Variants in UBE3A observed in about 807,000 individuals in gnomAD.
The protein encoded by UBE3A is ubiquitin protein ligase E3A, also known as ubiquitin-protein ligase E3A.
In UBE3A, 6 loss-of-function variants were observed where a neutral mutation model predicts 83.4. That is an observed-to-expected ratio of 0.07 (90% CI 0.04 to 0.14). UBE3A has a LOEUF of 0.14. UBE3A is among the 10% of genes least tolerant of loss of function. The pLI, the probability that UBE3A is intolerant of heterozygous loss-of-function variation, is 1.00. For missense variants in UBE3A, 456 were observed against 1,036.1 expected (o/e 0.44, Z 7.69); for synonymous variants, 337 against 355.4 (o/e 0.95, Z 0.58).
intron 1 of UBE3A, among the ~76,000 whole-genome samples, chr15:25,427,758 C>T (rs1891799745): frequency 7.3e-6 from 1 of 137,686 alleles, no homozygotes; most frequent in African/African-American, 2.7e-5. Context: ...TGGCACTGCA[C>T]TCCAGCCTGG....
At chr15:25,397,661 C>T (rs778400730) in intron 4 of UBE3A, among the ~76,000 whole-genome samples, 1 of 152,060 alleles carries the variant, frequency 6.6e-6, no homozygotes, top group South Asian at 2.1e-4. Context: ...TAAAAATAAA[C>T]GGCAAAATTC....
At chr15:25,398,246 A>C (rs975458846) in intron 4 of UBE3A, among the ~76,000 whole-genome samples, 3 of 152,030 alleles carry the variant, frequency 2.0e-5, no homozygotes, top group African/African-American at 7.3e-5. Flanking sequence ...ATGTTCCAAA[A>C]TATGTATACA....
At chr15:25,375,858 G>C in intron 4 of UBE3A, 95 bp from the exon 5 acceptor site, 2 of 1,405,088 alleles carry the variant, frequency 1.4e-6, no homozygotes, top group Non-Finnish European at 2.0e-6. Flanking sequence ...GTCAAGCACT[G>C]AAGTGATTAA....
At position 25,335,481 on chromosome 15, in the gene UBE3A, T is replaced by C. The variant is rs2073919597; in HGVS notation, c.*3656A>G. 1 of 152,028 alleles carries C rather than the reference T, an allele frequency of 6.6e-6. No homozygotes were observed. Among genetic ancestry groups the C allele is most frequent in the Non-Finnish European group, 1.5e-5 (1 of 68,062 alleles). The allele number at this position is 152,028 out of a possible 1,614,324, so 9.4% of individuals were successfully genotyped here. On this transcript the variant is annotated 3_prime_UTR_variant, in exon 13 of 13. Coordinates refer to ENST00000648336, the MANE Select transcript of UBE3A (RefSeq NM_130839.5). ...TCAGGGAGTGAAATTAGGCAGCTGC[T>C]AAGAATGTCCGGGTGAGTCAGAGGA...
intron 7 of UBE3A, among the ~76,000 whole-genome samples, chr15:25,359,450 TG>T: frequency 6.8e-6 from 1 of 147,458 alleles, no homozygotes; most frequent in African/African-American, 2.6e-5. Context: ...TGTGTGTGTG[TG>T]TGTGTGTGTG....
At chr15:25,405,929 C>G (rs1448650489) in intron 3 of UBE3A, among the ~76,000 whole-genome samples, 1 of 152,130 alleles carries the variant, frequency 6.6e-6, no homozygotes, top group Non-Finnish European at 1.5e-5. Flanking sequence ...TAAACTACTC[C>G]CTAGGCAGAC....
chr15:25,388,908 C>A (rs2083693262), intron 4 of UBE3A, among the ~76,000 whole-genome samples: 1 of 152,062 alleles, frequency 6.6e-6, no homozygotes, highest in South Asian at 2.1e-4. Context: ...ACAGATCTAA[C>A]AAAATTAGTA....
At chr15:25,394,435 G>A (rs1235002835) in intron 4 of UBE3A, among the ~76,000 whole-genome samples, 2 of 152,102 alleles carry the variant, frequency 1.3e-5, no homozygotes, top group African/African-American at 4.8e-5. Context: ...AGAACCTATA[G>A]GAGAACCACT....
intron 3 of UBE3A, among the ~76,000 whole-genome samples, chr15:25,406,773 A>G (rs927621881): frequency 6.6e-6 from 1 of 151,746 alleles, no homozygotes; most frequent in Non-Finnish European, 1.5e-5. Context: ...CAAAAACAAA[A>G]AACAACCCCT....
chr15:25,339,609 C>G (rs2074388968), intron 12 of UBE3A: 1 of 269,966 alleles, frequency 3.7e-6, no homozygotes, highest in African/African-American at 2.3e-5. Flanking sequence ...ACTGAGAAGT[C>G]AAGTAACTTC....
intron 4 of UBE3A, among the ~76,000 whole-genome samples, chr15:25,404,290 T>A (rs142737382): frequency 3.0e-3 from 452 of 152,216 alleles, no homozygotes; most frequent in Non-Finnish European, 5.0e-3. Context: ...ATATCACACA[T>A]CCATCTTTAC....
At chr15:25,381,129 G>A (rs139315949) in intron 4 of UBE3A, among the ~76,000 whole-genome samples, 1 of 152,300 alleles carries the variant, frequency 6.6e-6, no homozygotes, top group East Asian at 1.9e-4. Context: ...ATGGTTATAC[G>A]ATAAAGCAAT....
chr15:25,426,605 T>A (rs1024963051), intron 1 of UBE3A, among the ~76,000 whole-genome samples: 4 of 152,228 alleles, frequency 2.6e-5, no homozygotes, highest in African/African-American at 9.6e-5. Flanking sequence ...CTTAAACGCA[T>A]AAAACAAAAT....
chr15:25,400,535 T>C (rs1335295663), intron 4 of UBE3A, among the ~76,000 whole-genome samples: 10 of 152,260 alleles, frequency 6.6e-5, no homozygotes, highest in Admixed American at 6.5e-4. Context: ...GAACCACTGA[T>C]ACTGGGAGCC....
At position 25,337,737 on chromosome 15, in the gene UBE3A, C is replaced by T. The variant is rs2152501374; in HGVS notation, c.*1400G>A. On this transcript the variant is annotated 3_prime_UTR_variant, in exon 13 of 13. Coordinates refer to ENST00000648336, the MANE Select transcript of UBE3A (RefSeq NM_130839.5). ...CACAAGCTCAGCACATTAGCTATAG[C>T]TTGTAGCAAAAGGATATATCAATGT... 1 of 152,096 alleles carries T rather than the reference C, an allele frequency of 6.6e-6. No homozygotes were observed. The highest frequency in any genetic ancestry group is 2.4e-5 in the African/African-American group (1 of 41,506). 9.4% of individuals were successfully genotyped at this position (152,096 alleles called of 1,614,324 possible). A position where few individuals can be genotyped will look rare whatever the true frequency, so the allele number is the denominator to read the frequency against.
chr15:25,360,328 A>T, intron 7 of UBE3A, 55 bp downstream of exon 7: 1 of 1,608,152 alleles, frequency 6.2e-7, no homozygotes, highest in Non-Finnish European at 8.5e-7. Context: ...AAGATAAACA[A>T]ATAACTAACT....
intron 4 of UBE3A, among the ~76,000 whole-genome samples, chr15:25,378,031 A>G (rs2081508963): frequency 6.6e-6 from 1 of 152,176 alleles, no homozygotes; most frequent in African/African-American, 2.4e-5. Context: ...TTCCATAGTA[A>G]GGATGCTACT....
intron 4 of UBE3A, among the ~76,000 whole-genome samples, chr15:25,379,302 A>G (rs1299055417): frequency 6.6e-6 from 1 of 152,216 alleles, no homozygotes; most frequent in Non-Finnish European, 1.5e-5. Flanking sequence ...AGTTAGCACT[A>G]TAAACCTTCA....
intron 11 of UBE3A, among the ~76,000 whole-genome samples, chr15:25,353,195 C>T (rs1410295152): frequency 6.6e-6 from 1 of 152,126 alleles, no homozygotes; most frequent in East Asian, 1.9e-4. Flanking sequence ...CAGGTAGCAG[C>T]ACAGAGGTTG....
Sources: allele counts gnomAD v4.1 joint callset (sites outside exome capture counted in the v4.1 genomes callset), GRCh38; gene constraint gnomAD v4.1.1; transcripts MANE v1.5; gene names NCBI Gene and HGNC (gene_info 2026-07-23, HGNC 2026-07-21).